Variants in CHL1 observed in about 807,000 individuals in gnomAD.
CHL1 encodes the protein cell adhesion molecule L1 like.
Under a neutral mutation model 141.9 loss-of-function variants are expected in CHL1, and 96 were observed. The observed-to-expected ratio is 0.68, with a 90% CI of 0.57 to 0.80. The LOEUF (loss-of-function observed/expected upper bound fraction) is 0.80. CHL1 is among the 30% of genes least tolerant of loss of function. The pLI is 0.00. For synonymous variants in CHL1, 613 were observed against 502.2 expected (o/e 1.22, Z -2.95); for missense variants, 1,820 against 1,457.2 (o/e 1.25, Z -4.05).
At chr3:382,722 T>A (rs373300168) in intron 18 of CHL1, 51 bp downstream of exon 18, 7 of 1,446,920 alleles carry the variant, frequency 4.8e-6, no homozygotes, top group African/African-American at 4.2e-5. Flanking sequence ...TTTGTCCCCA[T>A]CTTTGAACAT....
intron 2 of CHL1, among the ~76,000 whole-genome samples, chr3:284,380 G>T (rs530527871): frequency 8.5e-5 from 13 of 152,278 alleles, no homozygotes; most frequent in African/African-American, 2.9e-4. Context: ...GCAAAAGGAT[G>T]ATCATTTGGT....
chr3:293,658 C>A (rs1697915311), intron 2 of CHL1, among the ~76,000 whole-genome samples: 1 of 152,214 alleles, frequency 6.6e-6, no homozygotes. Context: ...AAGATACTAC[C>A]CAGTTTCCTG....
At chr3:329,406 G>A (rs1051246332) in intron 5 of CHL1, among the ~76,000 whole-genome samples, 2 of 152,000 alleles carry the variant, frequency 1.3e-5, no homozygotes, top group Admixed American at 6.6e-5. Flanking sequence ...TTCAGAGAGG[G>A]CATTGTATTT....
intron 1 of CHL1, among the ~76,000 whole-genome samples, chr3:208,085 C>T (rs1403024741): frequency 6.6e-6 from 1 of 152,112 alleles, no homozygotes; most frequent in Admixed American, 6.5e-5. Flanking sequence ...ATACACAAGA[C>T]CTTCTTTTGA....
chr3:358,545 A>T (rs1038459031), intron 11 of CHL1, among the ~76,000 whole-genome samples: 24 of 152,178 alleles, frequency 1.6e-4, no homozygotes, highest in Non-Finnish European at 5.9e-5. Flanking sequence ...TTGCCTACTT[A>T]CAGGGGCCTT....
rs148571147 is a variant in CHL1 at position 405,844 on chromosome 3, A to G, written c.*133A>G. ...TTCATCCAGAAGTCAACATCCTGCA[A>G]TTATGTTGAAAAGAGTAGTACTTTC... is the stretch of plus-strand genomic sequence containing the variant. On this transcript the variant is annotated 3_prime_UTR_variant, in exon 28 of 28. Transcript: ENST00000256509. 8.0e-5 allele frequency: 51 copies of G among 637,990 alleles called. No individual in the cohort carries two copies. In the East Asian group the frequency reaches 1.2e-3, roughly 15 times the overall value. 39.5% of individuals were successfully genotyped at this position (637,990 alleles called of 1,614,324 possible). A position where few individuals can be genotyped will look rare whatever the true frequency, so the allele number is the denominator to read the frequency against.
At chr3:202,180 T>C (rs1391891) in intron 1 of CHL1, among the ~76,000 whole-genome samples, 15,679 of 152,240 alleles carry the variant, frequency 0.1, 954 homozygotes, top group African/African-American at 0.16. Context: ...AGCTCACATG[T>C]CACATGTGTT....
chr3:405,525 C>G lies in CHL1; in HGVS notation c.3489C>G (p.Ser1163Arg). The change falls in exon 28 of 28, where the codon AGC becomes AGG. Residue 1163 changes from serine (S) to arginine (R), a missense_variant. Transcript: ENST00000256509. ...SDSDEKPLKG[S>R]LRSLNRDMQP... ...GTGATGAAAAGCCTCTCAAAGGAAG[C>G]CTTCGGTCCCTTAATAGGGATATGC... 6.2e-7 allele frequency: 1 copy of G among 1,613,030 alleles called. No individual in the cohort carries two copies. The highest frequency in any genetic ancestry group is 8.5e-7 in the Non-Finnish European group (1 of 1,179,222).
chr3:216,219 G>C (rs945786415), intron 1 of CHL1, among the ~76,000 whole-genome samples: 1 of 152,128 alleles, frequency 6.6e-6, no homozygotes, highest in Non-Finnish European at 1.5e-5. Flanking sequence ...TGCTATGGGG[G>C]ATATTGTCTT....
chr3:296,784 A>G (rs1698225606), intron 2 of CHL1, among the ~76,000 whole-genome samples: 1 of 152,152 alleles, frequency 6.6e-6, no homozygotes, highest in African/African-American at 2.4e-5. Flanking sequence ...TGTAAGGGGG[A>G]AAATATAGAC....
intron 2 of CHL1, among the ~76,000 whole-genome samples, chr3:287,682 T>G (rs1485651217): frequency 6.6e-6 from 1 of 152,232 alleles, no homozygotes; most frequent in Non-Finnish European, 1.5e-5. Flanking sequence ...TACTTATTAG[T>G]GTGTGCCTTC....
intron 24 of CHL1, 48 bp downstream of exon 24, chr3:394,920 T>G (rs971935405): frequency 1.4e-6 from 2 of 1,450,312 alleles, no homozygotes; most frequent in African/African-American, 2.9e-5. Context: ...AAAAAGAGAC[T>G]GCATCTTTTT....
chr3:228,282 G>C (rs1017236868), intron 1 of CHL1, among the ~76,000 whole-genome samples: 4 of 152,098 alleles, frequency 2.6e-5, no homozygotes, highest in African/African-American at 4.8e-5. Flanking sequence ...TGTGCTTTTC[G>C]ACAGGATTAC....
At chr3:287,626 GA>G (rs1268177681) in intron 2 of CHL1, among the ~76,000 whole-genome samples, 1 of 152,126 alleles carries the variant, frequency 6.6e-6, no homozygotes. Context: ...ACAATACATA[GA>G]ACTAACTGGA....
At chr3:265,162 G>A (rs1172637131) in intron 2 of CHL1, among the ~76,000 whole-genome samples, 3 of 152,154 alleles carry the variant, frequency 2.0e-5, no homozygotes, top group Non-Finnish European at 2.9e-5. Flanking sequence ...CTAAGAGAGA[G>A]GGTTCCAGAG....
chr3:280,874 C>T lies in CHL1; in HGVS notation c.-95+36182C>T, dbSNP rs9310796. Among the ~76,000 whole-genome samples, 463 of 151,528 alleles carry T rather than the reference C, an allele frequency of 3.1e-3. 2 individuals are homozygous for T. The highest frequency in any genetic ancestry group is 0.011 in the African/African-American group (435 of 41,162). ...AATAGTAAGTGTCTTTGTTAAAACA[C>T]GTAGACACACACATGCACCACACAC... On this transcript the variant is annotated intron_variant, in intron 2 of 27. Transcript: ENST00000256509.
intron 2 of CHL1, among the ~76,000 whole-genome samples, chr3:252,930 A>C (rs1693834483): frequency 6.6e-6 from 1 of 152,108 alleles, no homozygotes; most frequent in Non-Finnish European, 1.5e-5. Flanking sequence ...TAATTAAATA[A>C]TTATAGTTAC....
At chr3:390,096 C>T (rs915714940) in intron 20 of CHL1, among the ~76,000 whole-genome samples, 1 of 152,140 alleles carries the variant, frequency 6.6e-6, no homozygotes, top group Non-Finnish European at 1.5e-5. Context: ...AGAAAAGGTT[C>T]AGAATGAGAA....
Position 231,733 on chromosome 3 carries a change from T to C in CHL1, c.-174-12880T>C, listed in dbSNP as rs541422978. Among the ~76,000 whole-genome samples the C allele has an allele frequency of 5.3e-5, 8 of 151,952 alleles. No individual in the cohort carries two copies. The East Asian group carries it at 5.8e-4, about 11-fold the overall frequency. ...CTGGGATTACAGGTGCCTGCCACCA[T>C]GCCTGGCTAATTTTTGTATTTTTAG... is the stretch of plus-strand genomic sequence containing the variant. On this transcript the variant is annotated intron_variant, in intron 1 of 27. Transcript: ENST00000256509.
Sources: gnomAD v4.1 joint callset for allele counts (sites outside exome capture counted in the v4.1 genomes callset) on GRCh38, gnomAD v4.1.1 for gene constraint, MANE v1.5 for transcripts, NCBI Gene and HGNC (gene_info 2026-07-23, HGNC 2026-07-21) for gene names.